CCDC149: variants seen among roughly 807,000 people sequenced by gnomAD.
The protein encoded by CCDC149 is coiled-coil domain containing 149.
A neutral mutation model predicts 59.9 loss-of-function variants in CCDC149; 45 were observed. The observed-to-expected ratio is 0.75, with a 90% CI of 0.59 to 0.96. The LOEUF (loss-of-function observed/expected upper bound fraction) is 0.96, where lower values mean the gene tolerates loss of function less well. Ranked by LOEUF, CCDC149 falls within the 40% of genes least tolerant of loss-of-function variation. The probability of loss-of-function intolerance (pLI) is 0.00; values close to 1 mark genes in which losing one functional copy is unlikely to be tolerated. For missense variants in CCDC149, 584 were observed against 664.7 expected (o/e 0.88, Z 1.33); for synonymous variants, 245 against 260.6 (o/e 0.94, Z 0.58).
intron 3 of CCDC149, among the ~76,000 whole-genome samples, chr4:24,866,195 T>C (rs1480911102): frequency 6.6e-6 from 1 of 152,178 alleles, no homozygotes; most frequent in African/African-American, 2.4e-5. Flanking sequence ...TTTTCCAGGG[T>C]TGTCATCTTG....
chr4:24,839,765 A>G (rs1039153741), intron 4 of CCDC149, among the ~76,000 whole-genome samples: 2 of 152,162 alleles, frequency 1.3e-5, no homozygotes, highest in Non-Finnish European at 2.9e-5. Flanking sequence ...ATTGCCACTG[A>G]AGAGTGACTT....
At chr4:24,905,887 C>T (rs1384260709) in intron 1 of CCDC149, among the ~76,000 whole-genome samples, 1 of 152,220 alleles carries the variant, frequency 6.6e-6, no homozygotes, top group African/African-American at 2.4e-5. Flanking sequence ...CAATTCTCCA[C>T]TCATCCCTAA....
At chr4:24,868,384 T>C (rs1718825016) in intron 3 of CCDC149, among the ~76,000 whole-genome samples, 1 of 152,154 alleles carries the variant, frequency 6.6e-6, no homozygotes, top group Non-Finnish European at 1.5e-5. Flanking sequence ...ATGTAAAATA[T>C]GTTTAAGGGA....
intron 10 of CCDC149, among the ~76,000 whole-genome samples, chr4:24,821,386 A>ATTCT (rs1366242430): frequency 6.6e-6 from 1 of 152,220 alleles, no homozygotes; most frequent in Non-Finnish European, 1.5e-5. Flanking sequence ...CCTTCCTAGA[A>ATTCT]GATGAGGTTT....
At position 24,819,914 on chromosome 4, in the gene CCDC149, G is replaced by A. The variant is rs1239717626; in HGVS notation, c.1137C>T (p.Ser379=). Residue 379 remains serine (S), a synonymous_variant, in exon 12 of 13, where the codon TCC becomes TCT. Coordinates refer to ENST00000635206, the MANE Select transcript of CCDC149 (RefSeq NM_001330643.2). ...GCTGCTCGACAAACTTCAGCAGTGGGGATCTCGACCTCTGTCCACTAGGAA... is the reference window on the plus strand; with the variant it reads ...GCTGCTCGACAAACTTCAGCAGTGGAGATCTCGACCTCTGTCCACTAGGAA... The A allele has an allele frequency of 1.9e-6, 3 of 1,551,314 alleles. No homozygotes were observed. Among genetic ancestry groups the A allele is most frequent in the Middle Eastern group, 3.3e-4 (2 of 5,992 alleles).
intron 4 of CCDC149, among the ~76,000 whole-genome samples, chr4:24,843,756 T>C (rs1332834350): frequency 6.6e-6 from 1 of 152,106 alleles, no homozygotes; most frequent in African/African-American, 2.4e-5. Context: ...GCTAGCAGCT[T>C]TCCTTAGACC....
chr4:24,905,414 C>CGT (rs1163234474), intron 1 of CCDC149, among the ~76,000 whole-genome samples: 5,260 of 78,484 alleles, frequency 0.067, 147 homozygotes, highest in African/African-American at 0.15. Flanking sequence ...TGCGTGCGTG[C>CGT]GTGTGTGTGT....
rs779854245 is a variant in CCDC149, at chr4:24,838,170, G to A, written c.475C>T (p.Arg159Ter). Residue 159 changes from arginine to a stop codon, truncating the protein, a stop_gained, in exon 5 of 13, where the codon CGA becomes TGA. Coordinates refer to ENST00000635206, the MANE Select transcript of CCDC149 (RefSeq NM_001330643.2). LOFTEE classifies it high-confidence loss of function. ...TTAGTGAGAACCTGTTCCTTAGCTCGCTCTAGCTGCTGCACCAAGTCTTCA... is the reference window on the plus strand; with the variant it reads ...TTAGTGAGAACCTGTTCCTTAGCTCACTCTAGCTGCTGCACCAAGTCTTCA... The A allele has an allele frequency of 5.6e-6, 9 of 1,613,306 alleles. No homozygotes were observed. The highest frequency in any genetic ancestry group is 4.0e-5 in the African/African-American group (3 of 74,912).
At chr4:24,975,227 A>G (rs1724127398) in intron 1 of CCDC149, among the ~76,000 whole-genome samples, 1 of 151,790 alleles carries the variant, frequency 6.6e-6, no homozygotes, top group Admixed American at 6.6e-5. Flanking sequence ...TATGATAACT[A>G]TTCTGTTATA....
At chr4:24,931,548 T>G (rs1169011386) in intron 1 of CCDC149, among the ~76,000 whole-genome samples, 2 of 151,340 alleles carry the variant, frequency 1.3e-5, no homozygotes, top group Non-Finnish European at 2.9e-5. Context: ...GTTAGTGACC[T>G]TCTCATTCAC....
chr4:24,810,069 C>A (rs1714497183), intron 12 of CCDC149, among the ~76,000 whole-genome samples: 3 of 152,212 alleles, frequency 2.0e-5, no homozygotes. Context: ...CGTGTCCTCC[C>A]AGCCATGTCA....
At chr4:24,805,384 C>T (rs1714098983), downstream of CCDC149, among the ~76,000 whole-genome samples, 2 of 152,290 alleles carry the variant, frequency 1.3e-5, no homozygotes, top group African/African-American at 4.8e-5. Context: ...TCTGAGCAAA[C>T]AACCATAGCC....
chr4:24,942,892 A>G (rs972531054), intron 1 of CCDC149, among the ~76,000 whole-genome samples: 6 of 151,940 alleles, frequency 3.9e-5, no homozygotes, highest in Non-Finnish European at 5.9e-5. Flanking sequence ...TCAATGAAAT[A>G]AAAGAGGATA....
chr4:24,846,218 G>A (rs907193038), intron 4 of CCDC149, among the ~76,000 whole-genome samples: 4 of 152,302 alleles, frequency 2.6e-5, no homozygotes, highest in Middle Eastern at 3.4e-3. Context: ...TGCTGGACTC[G>A]CTGAGCATTG....
At position 24,908,150 on chromosome 4, in the gene CCDC149, G is replaced by A. The variant is rs534924524; in HGVS notation, c.63+4667C>T. ...GTGTTTGTGTGGTGGCAGTTGAGGG[G>A]AGGGTGTTAGGACTTGAACACATCG... On this transcript the variant is annotated intron_variant, in intron 1 of 12. Transcript: ENST00000635206. 2.0e-5 allele frequency among the ~76,000 whole-genome samples: 3 copies of A among 152,260 alleles called. No homozygotes were observed. The East Asian group carries it at 5.8e-4, about 29-fold the overall frequency.
intron 4 of CCDC149, 66 bp downstream of exon 4, chr4:24,853,006 G>A (rs1181678769): frequency 3.1e-6 from 3 of 952,458 alleles, no homozygotes; most frequent in South Asian, 2.8e-5. Context: ...TTTCCGATGT[G>A]CAATATATAA....
intron 1 of CCDC149, among the ~76,000 whole-genome samples, chr4:24,902,224 C>T (rs776901015): frequency 1.1e-4 from 17 of 152,210 alleles, no homozygotes; most frequent in Admixed American, 5.2e-4. Flanking sequence ...TTCCCTGATT[C>T]CTGGCAGGGT....
At chr4:24,870,397 C>G (rs527356853) in intron 3 of CCDC149, among the ~76,000 whole-genome samples, 188 of 152,234 alleles carry the variant, frequency 1.2e-3, no homozygotes, top group Non-Finnish European at 2.1e-3. Flanking sequence ...GTAATTAATT[C>G]GTTTATTGTT....
chr4:24,814,623 T>C (rs1478569131), intron 12 of CCDC149, among the ~76,000 whole-genome samples: 1 of 152,224 alleles, frequency 6.6e-6, no homozygotes, highest in African/African-American at 2.4e-5. Flanking sequence ...AATAAGATCC[T>C]GGGTGATGTG....
Sources: gnomAD v4.1 joint callset for allele counts (sites outside exome capture counted in the v4.1 genomes callset) on GRCh38, gnomAD v4.1.1 for gene constraint, MANE v1.5 for transcripts, NCBI Gene and HGNC (gene_info 2026-07-23, HGNC 2026-07-21) for gene names.